The following APOOL variants were observed in gnomAD, a reference collection of about 807,000 sequenced individuals.
APOOL encodes the protein apolipoprotein O like.
Under a neutral mutation model 23.1 loss-of-function variants are expected in APOOL, and 12 were observed. The observed-to-expected ratio is 0.52, with a 90% confidence interval of 0.33 to 0.84. The LOEUF is 0.84. Among genes scored for constraint, APOOL ranks in the 40% least tolerant of loss-of-function variants. APOOL has a pLI of 0.02. For synonymous variants in APOOL, 77 were observed against 69.9 expected, an observed-to-expected ratio of 1.10 and a Z score of -0.51; for missense variants, 212 against 199.6, an observed-to-expected ratio of 1.06 and a Z score of -0.37.
chrX:85,088,435 T>C lies in APOOL; in HGVS notation c.*757T>C, dbSNP rs758471991. Reference sequence around the variant, plus strand: ...TGGTTTTGTTAATGTTAATTCCTCTTAAATATCTAAAAACATCTCTACCTA... The same window carrying C: ...TGGTTTTGTTAATGTTAATTCCTCTCAAATATCTAAAAACATCTCTACCTA... On this transcript the variant is annotated 3_prime_UTR_variant, in exon 9 of 9. Coordinates refer to ENST00000373173, the MANE Select transcript of APOOL (RefSeq NM_198450.6). 2 of 102,132 alleles carry C rather than the reference T, an allele frequency of 2.0e-5. No individual in the cohort carries two copies. The highest frequency in any genetic ancestry group is 6.3e-4 in the East Asian group (2 of 3,164). The allele number at this position is 102,132 out of a possible 1,213,427, so 8.4% of individuals were successfully genotyped here.
At chrX:85,058,644 C>T (rs180776257) in intron 5 of APOOL, among the ~76,000 whole-genome samples, 1 of 111,474 alleles carries the variant, frequency 9.0e-6, no homozygotes, top group Admixed American at 9.6e-5. Context: ...TTTGAGGAAT[C>T]GCCACATTAT....
intron 6 of APOOL, among the ~76,000 whole-genome samples, chrX:85,071,433 A>G (rs890262184): frequency 9.0e-6 from 1 of 110,986 alleles, no homozygotes; most frequent in Non-Finnish European, 1.9e-5. Flanking sequence ...GTGTAATGGA[A>G]AGGATGGATT....
At chrX:85,060,389 A>G (rs1412496889) in intron 5 of APOOL, among the ~76,000 whole-genome samples, 1 of 107,255 alleles carries the variant, frequency 9.3e-6, no homozygotes, top group Admixed American at 1.0e-4. Context: ...ATGAACTTTA[A>G]AGTAGTTTTT....
intron 1 of APOOL, among the ~76,000 whole-genome samples, chrX:85,027,728 C>T (rs1176814187): frequency 1.8e-5 from 2 of 112,071 alleles, no homozygotes; most frequent in African/African-American, 3.2e-5. Context: ...GCCATGAATG[C>T]CATTGCCTCC....
At chrX:85,049,071 T>C (rs1392705866) in intron 2 of APOOL, among the ~76,000 whole-genome samples, 1 of 111,728 alleles carries the variant, frequency 9.0e-6, no homozygotes, top group Non-Finnish European at 1.9e-5. Flanking sequence ...TTGTTGTCAC[T>C]GAGAAATAAC....
chrX:85,067,830 A>C (rs1923518093), intron 6 of APOOL, among the ~76,000 whole-genome samples: 1 of 111,669 alleles, frequency 9.0e-6, no homozygotes, highest in South Asian at 3.8e-4. Context: ...GTTCAGATGG[A>C]GAAGGAAAAC....
At chrX:85,071,752 G>A (rs1321058572) in intron 6 of APOOL, among the ~76,000 whole-genome samples, 2 of 111,550 alleles carry the variant, frequency 1.8e-5, no homozygotes, top group African/African-American at 6.5e-5. Flanking sequence ...TGAAAAACTT[G>A]GAAAACTATT....
intron 8 of APOOL, among the ~76,000 whole-genome samples, chrX:85,080,852 T>G (rs1057469074): frequency 8.9e-6 from 1 of 111,907 alleles, no homozygotes; most frequent in African/African-American, 3.2e-5. Flanking sequence ...TGTAATGGCC[T>G]TCTTTGTCTC....
At chrX:85,077,258 G>GC (rs1759956002) in intron 8 of APOOL, among the ~76,000 whole-genome samples, 1 of 105,638 alleles carries the variant, frequency 9.5e-6, no homozygotes, top group African/African-American at 3.5e-5. Flanking sequence ...CCCTCCTCCT[G>GC]CCCCCCACCC....
chrX:85,023,169 T>C (rs766904051), intron 1 of APOOL, among the ~76,000 whole-genome samples: 3 of 112,069 alleles, frequency 2.7e-5, no homozygotes, highest in Non-Finnish European at 5.6e-5. Flanking sequence ...ATGATCTTTA[T>C]ATACAGAAAA....
At chrX:85,008,535 T>TTGTG (rs57105866) in intron 1 of APOOL, among the ~76,000 whole-genome samples, 2,530 of 86,088 alleles carry the variant, frequency 0.029, 95 homozygotes, top group African/African-American at 0.094. Context: ...TGATAACCCG[T>TTGTG]TGTGTGTGTG....
At chrX:85,007,937 G>A (rs1229377835) in intron 1 of APOOL, among the ~76,000 whole-genome samples, 1 of 111,455 alleles carries the variant, frequency 9.0e-6, no homozygotes, top group African/African-American at 3.3e-5. Context: ...TTACCTGTAA[G>A]AACTGAAATA....
At chrX:85,054,306 A>G (rs1453749869) in intron 3 of APOOL, 38 bp from the exon 4 acceptor site, 1 of 1,141,516 alleles carries the variant, frequency 8.8e-7, no homozygotes, top group Non-Finnish European at 1.2e-6. Flanking sequence ...AACAGCTTCA[A>G]AAATGCAGAT....
intron 5 of APOOL, 67 bp from the exon 6 acceptor site, chrX:85,067,060 C>T (rs759255858): frequency 1.6e-5 from 11 of 681,312 alleles, no homozygotes; most frequent in Middle Eastern, 3.2e-4. Flanking sequence ...GAAAGCATTA[C>T]GGTATAAGAA....
At chrX:85,055,104 G>A (rs1460212668) in intron 4 of APOOL, among the ~76,000 whole-genome samples, 1 of 111,640 alleles carries the variant, frequency 9.0e-6, no homozygotes, top group Non-Finnish European at 1.9e-5. Context: ...CCATGAAGTT[G>A]ATGACCTGTA....
chrX:85,092,336 AG>A lies in APOOL; in HGVS notation c.*4660del. 8.9e-7 allele frequency: 1 copy of A among 1,118,426 alleles called. No homozygotes were observed. Among genetic ancestry groups the A allele is most frequent in the African/African-American group, 1.8e-5 (1 of 54,825 alleles). 92.2% of individuals were successfully genotyped at this position (1,118,426 alleles called of 1,213,427 possible). On this transcript the variant is annotated 3_prime_UTR_variant, in exon 9 of 9. Coordinates refer to ENST00000373173, the MANE Select transcript of APOOL (RefSeq NM_198450.6). ...ACAAAGTCAAACTGCTGTTAGACTC[AG>A]GTGACAGTCAAATGTTGGAGGCTGT...
chrX:85,024,031 G>A (rs1921759092), intron 1 of APOOL, among the ~76,000 whole-genome samples: 1 of 111,605 alleles, frequency 9.0e-6, no homozygotes, highest in African/African-American at 3.3e-5. Flanking sequence ...TTGTAACATG[G>A]TATGAAGTCT....
chrX:85,003,933 C>A lies in APOOL; in HGVS notation c.15+6C>A. 2.5e-6 allele frequency: 3 copies of A among 1,211,437 alleles called. 1 individual carries two copies. Among genetic ancestry groups the A allele is most frequent in the Non-Finnish European group, 3.4e-6 (3 of 895,255 alleles). On this transcript the variant is annotated splice_donor_region_variant and intron_variant, in intron 1 of 8. Transcript: ENST00000373173. ...TAGACATGGCGGCCATCAGGGTAAG[C>A]GAAAACCAACTTGCTTAATTTCTGT...
At chrX:85,074,193 G>T (rs1295297625) in intron 7 of APOOL, 81 bp from the exon 8 acceptor site, 2 of 1,159,891 alleles carry the variant, frequency 1.7e-6, no homozygotes, top group Non-Finnish European at 2.3e-6. Flanking sequence ...ACTGGACAGA[G>T]GTCGAGGATA....
Sources: allele counts gnomAD v4.1 joint callset (sites outside exome capture counted in the v4.1 genomes callset), GRCh38; gene constraint gnomAD v4.1.1; transcripts MANE v1.5; gene names NCBI Gene and HGNC (gene_info 2026-07-23, HGNC 2026-07-21).